The following MCPH1 variants were observed in gnomAD, a reference collection of about 807,000 sequenced individuals.
MCPH1 encodes the protein microcephalin 1.
MCPH1 carries 104 observed loss-of-function variants against 84.5 expected under a neutral mutation model. The ratio of observed to expected loss-of-function variants is 1.23; its 90% confidence interval spans 1.05 to 1.45. MCPH1 has a LOEUF of 1.45. Among genes scored for constraint, MCPH1 ranks in the 40% most tolerant of loss-of-function variants. MCPH1 has a pLI of 0.00. For missense variants in MCPH1, 1,498 were observed against 1,005.7 expected, an observed-to-expected ratio of 1.49 and a Z score of -6.62; for synonymous variants, 514 against 366.8, an observed-to-expected ratio of 1.40 and a Z score of -4.58.
In MCPH1 at chr8:6,595,804, A is replaced by G. The variant is rs1219636491; in HGVS notation, c.2215-25650A>G. ...GAGCATCAGGGGCAAGAGTTGATGC[A>G]GACAGTAATAGATGGTAATAGAGTC... is the stretch of plus-strand genomic sequence containing the variant. On this transcript the variant is annotated intron_variant, in intron 12 of 13. Coordinates refer to ENST00000344683, the MANE Select transcript of MCPH1 (RefSeq NM_024596.5). Among the ~76,000 whole-genome samples, 5 of 152,336 alleles carry G rather than the reference A, an allele frequency of 3.3e-5. No individual in the cohort carries two copies. In the East Asian group the frequency reaches 7.7e-4, roughly 23 times the overall value.
chr8:6,408,746 A>G (rs1798103541), intron 1 of MCPH1, among the ~76,000 whole-genome samples: 1 of 151,536 alleles, frequency 6.6e-6, no homozygotes, highest in Admixed American at 6.6e-5. Context: ...AATTTTTTTT[A>G]GAGACAGGGT....
At chr8:6,453,903 T>C (rs1468399494) in intron 8 of MCPH1, among the ~76,000 whole-genome samples, 1 of 152,092 alleles carries the variant, frequency 6.6e-6, no homozygotes, top group East Asian at 1.9e-4. Flanking sequence ...TGTAGGTTGG[T>C]AGGTTTGTGG....
chr8:6,579,931 G>A (rs1183439346), intron 12 of MCPH1, among the ~76,000 whole-genome samples: 1 of 152,186 alleles, frequency 6.6e-6, no homozygotes, highest in Non-Finnish European at 1.5e-5. Flanking sequence ...GACCACCATT[G>A]CTGGGCCAGG....
intron 12 of MCPH1, chr8:6,513,594 A>C: frequency 2.6e-6 from 3 of 1,172,158 alleles, no homozygotes; most frequent in South Asian, 3.3e-5. Context: ...CGGCCTCCCA[A>C]AGTGCTGGGA....
At chr8:6,422,102 T>G (rs1207196272) in intron 3 of MCPH1, among the ~76,000 whole-genome samples, 1 of 152,258 alleles carries the variant, frequency 6.6e-6, no homozygotes, top group East Asian at 1.9e-4. Context: ...ATTTTGTTCA[T>G]TTGACTGCTT....
chr8:6,444,428 G>A lies in MCPH1; in HGVS notation c.706G>A (p.Asp236Asn), dbSNP rs886063057. 6.2e-7 allele frequency: 1 copy of A among 1,614,020 alleles called. No homozygotes were observed. Among genetic ancestry groups the A allele is most frequent in the African/African-American group, 1.3e-5 (1 of 74,930 alleles). Residue 236 changes from aspartate (D) to asparagine (N), a missense_variant, in exon 8 of 14, where the codon GAT becomes AAT. Coordinates refer to ENST00000344683, the MANE Select transcript of MCPH1 (RefSeq NM_024596.5). Reference sequence around the variant, plus strand: ...TGCTGGTGGCTTACACTCATCTTTTGATGATCTTTGTGGAAACTCAGGATG... The same window carrying A: ...TGCTGGTGGCTTACACTCATCTTTTAATGATCTTTGTGGAAACTCAGGATG... ...YFAGGLHSSF[D>N]DLCGNSGCGN...
intron 12 of MCPH1, among the ~76,000 whole-genome samples, chr8:6,574,840 G>A (rs1157325564): frequency 6.6e-6 from 1 of 152,194 alleles, no homozygotes; most frequent in African/African-American, 2.4e-5. Context: ...AGAAGGGAGA[G>A]AGAACAGGGC....
At position 6,526,881 on chromosome 8, in the gene MCPH1, AT is replaced by A. The variant is rs891585547; in HGVS notation, c.2214+26960del. 1.1e-4 allele frequency among the ~76,000 whole-genome samples: 16 copies of A among 151,746 alleles called. No homozygotes were observed. The East Asian group carries it at 2.1e-3, about 20-fold the overall frequency. On this transcript the variant is annotated intron_variant, in intron 12 of 13. Coordinates refer to ENST00000344683, the MANE Select transcript of MCPH1 (RefSeq NM_024596.5). The stretch of plus-strand genomic sequence containing the variant: ...AAACAGTCCCCACCTATCCCCTACA[AT>A]TTTTTTTCTATTGTTGATCTTGAGA...
intron 12 of MCPH1, among the ~76,000 whole-genome samples, chr8:6,574,300 C>T (rs1826888459): frequency 1.3e-5 from 2 of 152,154 alleles, no homozygotes; most frequent in South Asian, 2.1e-4. Flanking sequence ...CCTGTCCCAT[C>T]CTAGCTTCTG....
chr8:6,482,273 C>A (rs778400977), intron 11 of MCPH1, among the ~76,000 whole-genome samples: 5 of 152,070 alleles, frequency 3.3e-5, no homozygotes, highest in Non-Finnish European at 5.9e-5. Flanking sequence ...GGTATGCTGA[C>A]GTAGCTAAAA....
At chr8:6,461,325 C>CTTTTTTT (rs11419705) in intron 9 of MCPH1, among the ~76,000 whole-genome samples, 1 of 110,998 alleles carries the variant, frequency 9.0e-6, no homozygotes, top group African/African-American at 3.7e-5. Context: ...TTTGTTGAGA[C>CTTTTTTT]TTTTTTTTTT....
chr8:6,544,400 T>C (rs143685447), intron 12 of MCPH1, among the ~76,000 whole-genome samples: 1 of 152,236 alleles, frequency 6.6e-6, no homozygotes. Flanking sequence ...ATTATGACTT[T>C]GGGCAAATCA....
chr8:6,510,158 C>CTT (rs11395431), intron 12 of MCPH1, among the ~76,000 whole-genome samples: 114 of 146,622 alleles, frequency 7.8e-4, no homozygotes, highest in Middle Eastern at 3.5e-3. Context: ...GTTGTTTTTT[C>CTT]TTTTTTTTTT....
At position 6,648,038 on chromosome 8, in the gene MCPH1, A is replaced by G. The variant is rs1050276619; in HGVS notation, c.*4989A>G. 1 of 152,194 alleles carries G rather than the reference A, an allele frequency of 6.6e-6. No individual in the cohort carries two copies. The highest frequency in any genetic ancestry group is 1.5e-5 in the Non-Finnish European group (1 of 68,032). The allele number at this position is 152,194 out of a possible 1,614,324, so 9.4% of individuals were successfully genotyped here. ...TCCACAGCAATGAGTGCAGGTAGCT[A>G]ACACTGACCAACCTGCATCTGGTAG... On this transcript the variant is annotated 3_prime_UTR_variant, in exon 14 of 14. Coordinates refer to ENST00000344683, the MANE Select transcript of MCPH1 (RefSeq NM_024596.5).
intron 10 of MCPH1, among the ~76,000 whole-genome samples, chr8:6,480,448 C>G (rs1171606682): frequency 1.3e-5 from 2 of 152,176 alleles, no homozygotes; most frequent in South Asian, 2.1e-4. Context: ...CTGGCTCTGT[C>G]CCTACCCAGC....
intron 12 of MCPH1, among the ~76,000 whole-genome samples, chr8:6,546,069 G>C (rs887995170): frequency 4.6e-5 from 7 of 152,200 alleles, no homozygotes; most frequent in African/African-American, 1.7e-4. Context: ...CAGTTCCTTA[G>C]GAACTACTGG....
intron 12 of MCPH1, among the ~76,000 whole-genome samples, chr8:6,609,254 G>A (rs949377617): frequency 5.9e-5 from 9 of 152,210 alleles, no homozygotes; most frequent in African/African-American, 1.9e-4. Flanking sequence ...ACTAGTTCAC[G>A]CAGTTACCAC....
At chr8:6,616,835 G>A (rs1223899887) in intron 12 of MCPH1, 2 of 152,190 alleles carry the variant, frequency 1.3e-5, no homozygotes, top group Non-Finnish European at 2.9e-5. Flanking sequence ...CAGTCCATAA[G>A]CTCCACTTAA....
At chr8:6,641,197 C>G (rs1046881046) in intron 13 of MCPH1, among the ~76,000 whole-genome samples, 1 of 152,088 alleles carries the variant, frequency 6.6e-6, no homozygotes, top group Admixed American at 6.5e-5. Flanking sequence ...TTGGAAAGAG[C>G]ATCATTTTTT....
Sources: gnomAD v4.1 joint callset for allele counts (sites outside exome capture counted in the v4.1 genomes callset) on GRCh38, gnomAD v4.1.1 for gene constraint, MANE v1.5 for transcripts, NCBI Gene and HGNC (gene_info 2026-07-23, HGNC 2026-07-21) for gene names.